The following PCDHGA10 variants were observed in gnomAD, a reference collection of about 807,000 sequenced individuals.
PCDHGA10 encodes the protein protocadherin gamma subfamily A, 10, also known as protocadherin gamma-A10.
A neutral mutation model predicts 59.5 loss-of-function variants in PCDHGA10; 42 were observed. The ratio of observed to expected loss-of-function variants is 0.71; its 90% CI spans 0.55 to 0.91. The LOEUF is 0.91. PCDHGA10 is among the 40% of genes least tolerant of loss of function. The pLI is 0.00. For synonymous variants in PCDHGA10, 511 were observed against 517.2 expected (o/e 0.99, Z 0.16); for missense variants, 1,111 against 1,198.2 (o/e 0.93, Z 1.07).
chr5:141,422,594 C>G, intron 1 of PCDHGA10: 1 of 1,614,090 alleles, frequency 6.2e-7, no homozygotes, highest in Non-Finnish European at 8.5e-7. Flanking sequence ...TTTCCTCACT[C>G]CTCTTACTCT....
intron 1 of PCDHGA10, chr5:141,426,585 T>C (rs2096944493): frequency 2.8e-6 from 1 of 358,848 alleles, no homozygotes; most frequent in African/African-American, 2.1e-5. Flanking sequence ...CAAAATCCTC[T>C]GTGTCATACC....
intron 3 of PCDHGA10, chr5:141,507,274 C>T (rs1000866082): frequency 1.3e-5 from 2 of 151,532 alleles, no homozygotes; most frequent in Non-Finnish European, 2.9e-5. Context: ...ACTATTTCAG[C>T]ATAAGTCAGT....
intron 1 of PCDHGA10, chr5:141,422,827 A>T: frequency 6.2e-7 from 1 of 1,614,208 alleles, no homozygotes; most frequent in Non-Finnish European, 8.5e-7. Context: ...ACTGAGAGTG[A>T]TAGCACGTGA....
chr5:141,497,877 G>C (rs1057284578), intron 2 of PCDHGA10, among the ~76,000 whole-genome samples: 6 of 152,148 alleles, frequency 3.9e-5, no homozygotes, highest in Admixed American at 2.6e-4. Context: ...AGTGAAATAA[G>C]CGTTAGGATC....
At chr5:141,492,161 TC>T (rs1269738341) in intron 1 of PCDHGA10, among the ~76,000 whole-genome samples, 2 of 152,142 alleles carry the variant, frequency 1.3e-5, no homozygotes, top group Admixed American at 6.5e-5. Context: ...ACCCTCCCTA[TC>T]CCCGCATCAC....
intron 1 of PCDHGA10, chr5:141,441,678 G>A (rs952726158): frequency 3.4e-6 from 1 of 292,424 alleles, no homozygotes; most frequent in Non-Finnish European, 6.7e-6. Flanking sequence ...GTGCGCCTTC[G>A]ACCAAGAGCA....
chr5:141,420,846 T>C (rs2096528755), intron 1 of PCDHGA10, among the ~76,000 whole-genome samples: 1 of 152,252 alleles, frequency 6.6e-6, no homozygotes, highest in Non-Finnish European at 1.5e-5. Context: ...GTGTTCTTGG[T>C]AAAGTTTTAA....
Position 141,431,645 on chromosome 5 carries a change from T to C in PCDHGA10, c.2436+16034T>C. ...GGCGGCCCAAGTTTTCAAACTAGAT[T>C]GTAATTCAGGGACAATATCAACAAT... is the stretch of plus-strand genomic sequence containing the variant. On this transcript the variant is annotated intron_variant, in intron 1 of 3. Coordinates refer to ENST00000398610, the MANE Select transcript of PCDHGA10 (RefSeq NM_018913.3). This position sits in a 1 kb window ranked among gnomAD's most constrained non-coding sequence, Gnocchi z 4.8. 6.2e-7 allele frequency: 1 copy of C among 1,614,236 alleles called. No individual in the cohort carries two copies.
chr5:141,434,789 T>C (rs2097718008), intron 1 of PCDHGA10, among the ~76,000 whole-genome samples: 1 of 152,008 alleles, frequency 6.6e-6, no homozygotes, highest in African/African-American at 2.4e-5. Context: ...AAAAAATTTT[T>C]TTTTCTGAGC....
Position 141,444,149 on chromosome 5 carries a change from T to C in PCDHGA10, c.2436+28538T>C, listed in dbSNP as rs180678850. On this transcript the variant is annotated intron_variant, in intron 1 of 3. Transcript: ENST00000398610. ...ACAGATATGTGTCACTTGTGTGTAC[T>C]GGATTTTTTTTTTTTTTTTTTTTTT... Among the ~76,000 whole-genome samples, 383 of 136,820 alleles carry C rather than the reference T, an allele frequency of 2.8e-3. 2 individuals carry two copies. Among genetic ancestry groups the C allele is most frequent in the Middle Eastern group, 0.012 (3 of 252 alleles). 89.8% of individuals were successfully genotyped at this position (136,820 alleles called of 152,430 possible). A position where few individuals can be genotyped will look rare whatever the true frequency, so the allele number is the denominator to read the frequency against.
Position 141,461,919 on chromosome 5 carries a change from G to T in PCDHGA10, c.2437-32888G>T, listed in dbSNP as rs10060711. On this transcript the variant is annotated intron_variant, in intron 1 of 3. Transcript: ENST00000398610. Reference sequence around the variant, plus strand: ...GCTCACTGCAACCTCTGCCTCCTGGGTTCCAGCAATTCTCCTGCCTCAACC... The same window carrying T: ...GCTCACTGCAACCTCTGCCTCCTGGTTTCCAGCAATTCTCCTGCCTCAACC... 5.4e-3 allele frequency among the ~76,000 whole-genome samples: 815 copies of T among 152,214 alleles called. 11 individuals are homozygous for T. Among genetic ancestry groups the T allele is most frequent in the African/African-American group, 0.019 (780 of 41,542 alleles).
chr5:141,455,919 A>T, intron 1 of PCDHGA10, among the ~76,000 whole-genome samples: 1 of 145,568 alleles, frequency 6.9e-6, no homozygotes, highest in Non-Finnish European at 1.5e-5. Context: ...TTATTTTGAG[A>T]CGGAGTCTCG....
intron 2 of PCDHGA10, among the ~76,000 whole-genome samples, chr5:141,497,893 C>T (rs1194262199): frequency 6.6e-6 from 1 of 152,132 alleles, no homozygotes; most frequent in Non-Finnish European, 1.5e-5. Flanking sequence ...GGATCTAGTC[C>T]AGTAACTTCA....
Position 141,486,785 on chromosome 5 carries a change from C to G in PCDHGA10, c.2437-8022C>G, listed in dbSNP as rs763174232. The G allele has an allele frequency of 2.8e-5, 45 of 1,614,102 alleles. No homozygotes were observed. The highest frequency in any genetic ancestry group is 3.6e-5 in the Non-Finnish European group (42 of 1,180,050). On this transcript the variant is annotated intron_variant, in intron 1 of 3. Coordinates refer to ENST00000398610, the MANE Select transcript of PCDHGA10 (RefSeq NM_018913.3). The surrounding 1 kb of genome is among the most constrained non-coding windows in gnomAD (Gnocchi z 5.0). ...GACACTGCAGTTTGAGGTGCAGGCC[C>G]GGGATCGGGGCAACCCACCCCTTAG... is the stretch of plus-strand genomic sequence containing the variant.
Position 141,490,885 on chromosome 5 carries a change from T to C in PCDHGA10, c.2437-3922T>C, listed in dbSNP as rs1317781676. The stretch of plus-strand genomic sequence containing the variant: ...CTCTCCCCCATTGCATGCCAACACA[T>C]CTCTGCATGTGTTTGTCCTAGACGA... On this transcript the variant is annotated intron_variant, in intron 1 of 3. Coordinates refer to ENST00000398610, the MANE Select transcript of PCDHGA10 (RefSeq NM_018913.3). This position sits in a 1 kb window ranked among gnomAD's most constrained non-coding sequence, Gnocchi z 5.4. The C allele has an allele frequency of 6.2e-7, 1 of 1,613,872 alleles. No individual in the cohort carries two copies. Among genetic ancestry groups the C allele is most frequent in the Non-Finnish European group, 8.5e-7 (1 of 1,179,904 alleles).
chr5:141,480,371 C>T (rs1562080299), intron 1 of PCDHGA10, among the ~76,000 whole-genome samples: 1 of 151,908 alleles, frequency 6.6e-6, no homozygotes, highest in African/African-American at 2.4e-5. Flanking sequence ...GCTGTGATTG[C>T]ACCACTACAC....
chr5:141,506,870 G>A (rs2099856877), intron 3 of PCDHGA10, among the ~76,000 whole-genome samples: 1 of 152,166 alleles, frequency 6.6e-6, no homozygotes, highest in East Asian at 1.9e-4. Flanking sequence ...GGTGGGTAGA[G>A]AACCAGGTGA....
chr5:141,438,617 TATATATATATATATATATACACAC>T (rs1311176771), intron 1 of PCDHGA10, among the ~76,000 whole-genome samples: 58 of 37,154 alleles, frequency 1.6e-3, no homozygotes, highest in African/African-American at 7.8e-3. Flanking sequence ...TATATATATA[TATATATATATATATATATACACAC>T]ACACACACAC....
chr5:141,488,837 C>A (rs550655328), intron 1 of PCDHGA10, among the ~76,000 whole-genome samples: 1 of 152,280 alleles, frequency 6.6e-6, no homozygotes, highest in African/African-American at 2.4e-5. Context: ...GCCAAGGGGG[C>A]TGAATCAACC....
Sources: gnomAD v4.1 joint callset for allele counts (sites outside exome capture counted in the v4.1 genomes callset) on GRCh38, gnomAD v4.1.1 for gene constraint, Gnocchi (gnomAD v3.1) non-coding constraint, MANE v1.5 for transcripts, NCBI Gene and HGNC (gene_info 2026-07-23, HGNC 2026-07-21) for gene names.